PLD1: variants seen among roughly 807,000 people sequenced by gnomAD.
PLD1 encodes phospholipase D1.
PLD1 carries 112 observed loss-of-function variants against 137.1 expected under a neutral mutation model. The observed-to-expected ratio is 0.82, with a 90% CI of 0.70 to 0.96. The LOEUF (loss-of-function observed/expected upper bound fraction) is 0.96. PLD1 is among the 40% of genes least tolerant of loss of function. PLD1 has a pLI of 0.00. For missense variants in PLD1, 1,321 were observed against 1,342.0 expected (o/e 0.98, Z 0.24); for synonymous variants, 431 against 454.7 (o/e 0.95, Z 0.66).
chr3:171,755,636 G>A (rs1373788347), intron 1 of PLD1, among the ~76,000 whole-genome samples: 5 of 152,132 alleles, frequency 3.3e-5, no homozygotes, highest in Non-Finnish European at 7.4e-5. Flanking sequence ...TAAAATACAT[G>A]CTGATGTTTC....
intron 1 of PLD1, chr3:171,765,024 AAG>A (rs1318773368): frequency 6.6e-6 from 1 of 151,550 alleles, no homozygotes; most frequent in Non-Finnish European, 1.5e-5. Flanking sequence ...GAAAAAGAAA[AAG>A]AAAGAAAGCT....
intron 1 of PLD1, among the ~76,000 whole-genome samples, chr3:171,756,541 T>C (rs1318635912): frequency 1.3e-5 from 2 of 152,054 alleles, no homozygotes; most frequent in Non-Finnish European, 2.9e-5. Context: ...GTGTCGACGG[T>C]GAGGTTCGGG....
chr3:171,700,497 T>A lies in PLD1; in HGVS notation c.1146-671A>T, dbSNP rs375539922. 2.6e-5 allele frequency among the ~76,000 whole-genome samples: 4 copies of A among 152,288 alleles called. No individual in the cohort carries two copies. The East Asian group carries it at 5.8e-4, about 22-fold the overall frequency. The stretch of plus-strand genomic sequence containing the variant: ...TACAGGGGTGCAGCAATATTGAAAT[T>A]CTAAGGGGAAGACCATAACCCCAGA... On this transcript the variant is annotated intron_variant, in intron 11 of 26. Transcript: ENST00000351298.
chr3:171,685,725 A>C (rs1347161101), intron 16 of PLD1, among the ~76,000 whole-genome samples: 1 of 152,212 alleles, frequency 6.6e-6, no homozygotes, highest in Non-Finnish European at 1.5e-5. Context: ...TTAGTCATTC[A>C]TTAATTCCTC....
intron 11 of PLD1, 67 bp downstream of exon 11, chr3:171,708,688 A>G: frequency 2.4e-6 from 2 of 850,152 alleles, no homozygotes; most frequent in Non-Finnish European, 4.1e-6. Context: ...CTTGAACAGC[A>G]CTATACCACT....
intron 22 of PLD1, among the ~76,000 whole-genome samples, chr3:171,643,916 G>A (rs1735981683): frequency 6.6e-6 from 1 of 151,940 alleles, no homozygotes; most frequent in South Asian, 2.1e-4. Flanking sequence ...ACAGATACAA[G>A]CTTGAAACAT....
At chr3:171,772,389 T>C (rs1722405289) in intron 1 of PLD1, among the ~76,000 whole-genome samples, 1 of 152,240 alleles carries the variant, frequency 6.6e-6, no homozygotes, top group South Asian at 2.1e-4. Flanking sequence ...CATGAATTAC[T>C]GGTAAAATTC....
chr3:171,732,028 G>T (rs1718987933), intron 6 of PLD1, among the ~76,000 whole-genome samples: 1 of 152,042 alleles, frequency 6.6e-6, no homozygotes, highest in Non-Finnish European at 1.5e-5. Context: ...ACCAAGAATG[G>T]TTACAGCCAA....
intron 1 of PLD1, among the ~76,000 whole-genome samples, chr3:171,774,796 G>C (rs115606565): frequency 6.6e-6 from 1 of 152,216 alleles, no homozygotes; most frequent in African/African-American, 2.4e-5. Flanking sequence ...GGACAAGGAG[G>C]AAGGGCAGGG....
chr3:171,690,369 A>G (rs991909076), intron 13 of PLD1, among the ~76,000 whole-genome samples: 3 of 151,828 alleles, frequency 2.0e-5, no homozygotes, highest in Non-Finnish European at 4.4e-5. Context: ...CACTGCTCCA[A>G]TCTTTATTTC....
intron 1 of PLD1, among the ~76,000 whole-genome samples, chr3:171,739,892 T>G (rs1052846751): frequency 6.6e-6 from 1 of 152,210 alleles, no homozygotes; most frequent in Admixed American, 6.5e-5. Flanking sequence ...TTTGTAGATA[T>G]GTAAGTGCTT....
intron 1 of PLD1, among the ~76,000 whole-genome samples, chr3:171,806,731 C>T (rs1040874550): frequency 6.6e-6 from 1 of 152,172 alleles, no homozygotes; most frequent in African/African-American, 2.4e-5. Context: ...GGCAACACTA[C>T]CTGAGCTCAA....
In PLD1 at chr3:171,662,044, C is replaced by G. The variant is rs570804278; in HGVS notation, c.2340+16G>C. On this transcript the variant is annotated intron_variant, in intron 20 of 26. Coordinates refer to ENST00000351298, the MANE Select transcript of PLD1 (RefSeq NM_002662.5). The stretch of plus-strand genomic sequence containing the variant: ...GAAGGCAGTTTCTCACACGAATTTA[C>G]ATGAGCAAGACTTACTTCGATATAG... 1 of 1,456,290 alleles carries G rather than the reference C, an allele frequency of 6.9e-7. No individual in the cohort carries two copies. The highest frequency in any genetic ancestry group is 1.4e-5 in the African/African-American group (1 of 71,648). The allele number at this position is 1,456,290 out of a possible 1,614,324, so 90.2% of individuals were successfully genotyped here. A position where few individuals can be genotyped will look rare whatever the true frequency, so the allele number is the denominator to read the frequency against.
chr3:171,709,440 C>T, intron 10 of PLD1, 120 bp downstream of exon 10: 1 of 703,626 alleles, frequency 1.4e-6, no homozygotes, highest in Non-Finnish European at 2.3e-6. Context: ...AAAGAGAAGC[C>T]CTTGTTAAGT....
At chr3:171,737,507 A>G in intron 3 of PLD1, 25 bp downstream of exon 3, 2 of 1,583,774 alleles carry the variant, frequency 1.3e-6, no homozygotes, top group Non-Finnish European at 1.7e-6. Context: ...AAAAGAAAAA[A>G]GGGTGAGTCC....
At chr3:171,758,324 A>G (rs1159614497) in intron 1 of PLD1, among the ~76,000 whole-genome samples, 3 of 152,240 alleles carry the variant, frequency 2.0e-5, no homozygotes, top group African/African-American at 4.8e-5. Context: ...TTCTTAATCA[A>G]TGTGCACTGC....
rs533495167 is a variant in PLD1, at chr3:171,748,722, G to T, written c.-31-10640C>A. 6.6e-5 allele frequency among the ~76,000 whole-genome samples: 10 copies of T among 151,842 alleles called. No homozygotes were observed. In the East Asian group the frequency reaches 1.9e-3, roughly 29 times the overall value. On this transcript the variant is annotated intron_variant, in intron 1 of 26. Transcript: ENST00000351298. ...TGGTAGATATGTGATTTTGAGTGAA[G>T]TAACTTGAAATATGACTCTCCTTAT...
intron 23 of PLD1, among the ~76,000 whole-genome samples, chr3:171,642,457 CA>C (rs1230947984): frequency 0.015 from 492 of 33,082 alleles, no homozygotes; most frequent in African/African-American, 0.044. Context: ...AACCCAGTCT[CA>C]AAAAAAAAAA....
chr3:171,809,014 G>A (rs1723999251), intron 1 of PLD1, among the ~76,000 whole-genome samples: 1 of 151,382 alleles, frequency 6.6e-6, no homozygotes, highest in Non-Finnish European at 1.5e-5. Flanking sequence ...TAGTAGAGGC[G>A]GGGTTTCACC....
Sources: allele counts gnomAD v4.1 joint callset (sites outside exome capture counted in the v4.1 genomes callset), GRCh38; gene constraint gnomAD v4.1.1; transcripts MANE v1.5; gene names NCBI Gene and HGNC (gene_info 2026-07-23, HGNC 2026-07-21).